Variants in TRAPPC8 observed in about 807,000 individuals in gnomAD.
TRAPPC8 encodes general sporulation gene 1 homolog.
A neutral mutation model predicts 174.3 loss-of-function variants in TRAPPC8; 54 were observed. The observed-to-expected ratio is 0.31, with a 90% CI of 0.25 to 0.39. TRAPPC8 has a LOEUF of 0.39. TRAPPC8 is among the 10% of genes least tolerant of loss of function. The probability of loss-of-function intolerance (pLI) is 1.00; values close to 1 mark genes in which losing one functional copy is unlikely to be tolerated. For missense variants in TRAPPC8, 1,531 were observed against 1,699.1 expected (o/e 0.90, Z 1.74); for synonymous variants, 630 against 579.9 (o/e 1.09, Z -1.24).
intron 12 of TRAPPC8, among the ~76,000 whole-genome samples, chr18:31,876,097 CT>C (rs1164327547): frequency 1.3e-5 from 2 of 152,142 alleles, no homozygotes; most frequent in African/African-American, 4.8e-5. Context: ...CTGACTTGAT[CT>C]TTATAAATTA....
intron 1 of TRAPPC8, among the ~76,000 whole-genome samples, chr18:31,938,511 TACCA>T (rs1295699271): frequency 6.6e-6 from 1 of 152,156 alleles, no homozygotes; most frequent in African/African-American, 2.4e-5. Flanking sequence ...AAATCTCTTC[TACCA>T]ACCCTCTCTT....
chr18:31,903,058 A>G (rs1167956287), intron 9 of TRAPPC8, among the ~76,000 whole-genome samples: 2 of 151,430 alleles, frequency 1.3e-5, no homozygotes, highest in Admixed American at 6.6e-5. Flanking sequence ...AAAAAAAAAA[A>G]AAAGAAAATA....
At position 31,890,104 on chromosome 18, in the gene TRAPPC8, G is replaced by C. The variant is rs185501681; in HGVS notation, c.1728+631C>G. On this transcript the variant is annotated intron_variant, in intron 12 of 28. Coordinates refer to ENST00000283351, the MANE Select transcript of TRAPPC8 (RefSeq NM_014939.5). ...CTCCTAGTATACTCTCTGAAATATA[G>C]AGATGGTTGTTTAATCCAAGTTTCC... Among the ~76,000 whole-genome samples, 288 of 152,234 alleles carry C rather than the reference G, an allele frequency of 1.9e-3. 2 individuals are homozygous for C. The highest frequency in any genetic ancestry group is 0.017 in the South Asian group (84 of 4,828).
chr18:31,848,457 T>G (rs1366309083), intron 25 of TRAPPC8, among the ~76,000 whole-genome samples: 1 of 152,210 alleles, frequency 6.6e-6, no homozygotes, highest in Non-Finnish European at 1.5e-5. Context: ...TACACTTATA[T>G]AATATGATTC....
At chr18:31,909,824 A>G in intron 5 of TRAPPC8, 64 bp from the exon 6 acceptor site, 1 of 1,099,556 alleles carries the variant, frequency 9.1e-7, no homozygotes, top group Non-Finnish European at 1.3e-6. Flanking sequence ...ATACTATCAA[A>G]TCCATCAACA....
intron 25 of TRAPPC8, among the ~76,000 whole-genome samples, chr18:31,847,159 C>A (rs1171453105): frequency 6.6e-6 from 1 of 152,160 alleles, no homozygotes; most frequent in East Asian, 1.9e-4. Context: ...CAATATACAG[C>A]TAAAAGGCTT....
At chr18:31,867,011 CATA>C (rs976419242) in intron 17 of TRAPPC8, 36 bp from the exon 18 acceptor site, 1 of 1,606,392 alleles carries the variant, frequency 6.2e-7, no homozygotes, top group African/African-American at 1.3e-5. Context: ...ATTATGTTTT[CATA>C]ATATCTTAAA....
chr18:31,857,880 C>A lies in TRAPPC8; in HGVS notation c.2848G>T (p.Val950Phe). The change falls in exon 20 of 29, where the codon GTT becomes TTT. Residue 950 changes from valine to phenylalanine, a missense_variant. Transcript: ENST00000283351. ...AAGAACTCTGGACGTTTAGAAACAA[C>A]CTTCAATCCAGTAAGTGGACATTTG... ...VSKCPLTGLK[V>F]VSKRPEFFTF... 1 of 1,614,182 alleles carries A rather than the reference C, an allele frequency of 6.2e-7. No homozygotes were observed. The highest frequency in any genetic ancestry group is 1.1e-5 in the South Asian group (1 of 91,082).
chr18:31,928,164 AAAAT>A (rs2037700284), intron 2 of TRAPPC8, among the ~76,000 whole-genome samples: 1 of 139,738 alleles, frequency 7.2e-6, no homozygotes, highest in Non-Finnish European at 1.5e-5. Context: ...TAAAAAAAAT[AAAAT>A]AAAATAAAAT....
chr18:31,850,239 C>T (rs1158732375), intron 24 of TRAPPC8, among the ~76,000 whole-genome samples: 1 of 152,186 alleles, frequency 6.6e-6, no homozygotes, highest in African/African-American at 2.4e-5. Context: ...GTGTGAGACA[C>T]TGCACCCAGC....
rs2034101718 is a variant in TRAPPC8 at position 31,857,737 on chromosome 18, T to A, written c.2991A>T (p.Ser997=). The A allele has an allele frequency of 6.2e-7, 1 of 1,614,034 alleles. No homozygotes were observed. Among genetic ancestry groups the A allele is most frequent in the Non-Finnish European group, 8.5e-7 (1 of 1,180,026 alleles). ...TGCCAAAGTCTACAGAAGAAGCTGA[T>A]GATATGAGTGCTGTACACACAGAGG... ...DATSVCTALI[S]SASSVDFGIG... is the part of the protein sequence containing the mutation. Residue 997 remains serine (S), a synonymous_variant, in exon 20 of 29, where the codon TCA becomes TCT. Coordinates refer to ENST00000283351, the MANE Select transcript of TRAPPC8 (RefSeq NM_014939.5).
At chr18:31,884,192 A>T (rs1212031653) in intron 12 of TRAPPC8, among the ~76,000 whole-genome samples, 2 of 152,240 alleles carry the variant, frequency 1.3e-5, no homozygotes, top group African/African-American at 4.8e-5. Flanking sequence ...CTGCCAAAAA[A>T]ACAAAAACAA....
In TRAPPC8 at chr18:31,874,754, C is replaced by G. The variant is rs1171116214; in HGVS notation, c.1729-50G>C. The G allele has an allele frequency of 4.0e-6, 6 of 1,499,322 alleles. No homozygotes were observed. The African/African-American group carries it at 8.4e-5, about 21-fold the overall frequency. 92.9% of individuals were successfully genotyped at this position (1,499,322 alleles called of 1,614,324 possible). Reference sequence around the variant, plus strand: ...GTATTATACTCCAAATTTGTTTGAACTAGAAAAAACAAATACAAACACACA... The same window carrying G: ...GTATTATACTCCAAATTTGTTTGAAGTAGAAAAAACAAATACAAACACACA... On this transcript the variant is annotated intron_variant, in intron 12 of 28. Coordinates refer to ENST00000283351, the MANE Select transcript of TRAPPC8 (RefSeq NM_014939.5).
At chr18:31,933,020 A>AAAAAAAAAAAAAAAAAAAG (rs1568153937) in intron 1 of TRAPPC8, among the ~76,000 whole-genome samples, 4 of 128,952 alleles carry the variant, frequency 3.1e-5, no homozygotes, top group African/African-American at 1.2e-4. Context: ...AAAAAAAAAA[A>AAAAAAAAAAAAAAAAAAAG]GCCGGGCGCA....
At chr18:31,846,537 T>C (rs899097559) in intron 26 of TRAPPC8, among the ~76,000 whole-genome samples, 179 bp downstream of exon 26, 8 of 151,936 alleles carry the variant, frequency 5.3e-5, no homozygotes, top group African/African-American at 1.7e-4. Context: ...GATTGTGCCA[T>C]TGCAAACCAG....
intron 9 of TRAPPC8, among the ~76,000 whole-genome samples, chr18:31,904,480 A>G (rs541667945): frequency 6.6e-6 from 1 of 152,296 alleles, no homozygotes; most frequent in South Asian, 2.1e-4. Context: ...TGGGAAAGCC[A>G]TAATTCACTT....
chr18:31,901,697 C>A (rs1319389785), intron 9 of TRAPPC8, among the ~76,000 whole-genome samples: 4 of 152,334 alleles, frequency 2.6e-5, no homozygotes, highest in African/African-American at 9.6e-5. Context: ...ACATGGGGAG[C>A]AAAGACTGCC....
intron 24 of TRAPPC8, among the ~76,000 whole-genome samples, 180 bp from the exon 25 acceptor site, chr18:31,849,919 T>A (rs937287605): frequency 3.3e-5 from 5 of 152,270 alleles, no homozygotes; most frequent in African/African-American, 1.2e-4. Flanking sequence ...GGGAGGCCAC[T>A]TGAACATTCA....
chr18:31,933,288 G>A (rs1450784814), intron 1 of TRAPPC8, among the ~76,000 whole-genome samples: 3 of 136,810 alleles, frequency 2.2e-5, no homozygotes, highest in Admixed American at 7.6e-5. Flanking sequence ...GCAACAGAGC[G>A]AGACTCCGTC....
Sources: allele counts gnomAD v4.1 joint callset (sites outside exome capture counted in the v4.1 genomes callset), GRCh38; gene constraint gnomAD v4.1.1; transcripts MANE v1.5; gene names NCBI Gene and HGNC (gene_info 2026-07-23, HGNC 2026-07-21).